Variants in SRP54 observed in about 807,000 individuals in gnomAD.
The protein encoded by SRP54 is signal recognition particle subunit SRP54.
SRP54 carries 10 observed loss-of-function variants against 64.8 expected under a neutral mutation model. That is an observed-to-expected ratio of 0.15 (90% CI 0.10 to 0.26). SRP54 has a LOEUF of 0.26. SRP54 is among the 10% of genes least tolerant of loss of function. The probability of loss-of-function intolerance (pLI) is 1.00; values close to 1 mark genes in which losing one functional copy is unlikely to be tolerated. For synonymous variants in SRP54, 193 were observed against 185.6 expected (o/e 1.04, Z -0.32); for missense variants, 325 against 613.7 (o/e 0.53, Z 4.97).
intron 1 of SRP54, among the ~76,000 whole-genome samples, chr14:34,985,848 A>G (rs1040957909): frequency 7.2e-5 from 11 of 152,222 alleles, no homozygotes; most frequent in African/African-American, 2.7e-4. Flanking sequence ...CTGATTGAGC[A>G]TTTAATTTTT....
At chr14:35,026,793 A>C (rs2044633712) in intron 14 of SRP54, among the ~76,000 whole-genome samples, 1 of 151,962 alleles carries the variant, frequency 6.6e-6, no homozygotes, top group Non-Finnish European at 1.5e-5. Flanking sequence ...AAATACAAAA[A>C]TTAGCTGGGT....
At chr14:34,992,129 C>T (rs2043989982) in intron 1 of SRP54, among the ~76,000 whole-genome samples, 1 of 152,116 alleles carries the variant, frequency 6.6e-6, no homozygotes, top group Non-Finnish European at 1.5e-5. Flanking sequence ...GATGGGGTTT[C>T]GCCATGTTGA....
chr14:34,990,028 T>G (rs2043957184), intron 1 of SRP54, among the ~76,000 whole-genome samples: 1 of 152,154 alleles, frequency 6.6e-6, no homozygotes, highest in Non-Finnish European at 1.5e-5. Flanking sequence ...TCTATGCTCT[T>G]TCCAGTACTT....
Position 34,999,569 on chromosome 14 carries a change from T to G in SRP54, c.90T>G (p.Ala30=), listed in dbSNP as rs1330504176. ...TTCTTTATTTTCAGGTATTGAATGC[T>G]ATGCTAAAAGAAGTCTGTACCGCTT... is the stretch of plus-strand genomic sequence containing the variant. ...ATIINEEVLN[A]MLKEVCTALL... Residue 30 remains alanine (A), a synonymous_variant, in exon 3 of 16, where the codon GCT becomes GCG. Transcript: ENST00000216774. 1.1e-5 allele frequency: 18 copies of G among 1,611,420 alleles called. No individual in the cohort carries two copies. Among genetic ancestry groups the G allele is most frequent in the Non-Finnish European group, 1.5e-5 (18 of 1,178,330 alleles).
chr14:34,995,621 G>A (rs2044060957), intron 1 of SRP54, among the ~76,000 whole-genome samples: 1 of 152,084 alleles, frequency 6.6e-6, no homozygotes, highest in Non-Finnish European at 1.5e-5. Flanking sequence ...CATCTAATAT[G>A]TAATACTTTT....
At chr14:35,008,292 C>T (rs943595741) in intron 5 of SRP54, among the ~76,000 whole-genome samples, 2 of 152,152 alleles carry the variant, frequency 1.3e-5, no homozygotes, top group African/African-American at 2.4e-5. Flanking sequence ...ACAAGCTTCA[C>T]GTATGTTACA....
rs544454198 is a variant in SRP54, at chr14:34,983,141, T to A, written c.-108T>A. 3.9e-5 allele frequency: 6 copies of A among 152,558 alleles called. 1 individual carries two copies. The East Asian group carries it at 1.2e-3, about 29-fold the overall frequency. 9.5% of individuals were successfully genotyped at this position (152,558 alleles called of 1,614,324 possible). On this transcript the variant is annotated 5_prime_UTR_variant, in exon 1 of 16. Coordinates refer to ENST00000216774, the MANE Select transcript of SRP54 (RefSeq NM_003136.4). ...CTGTCTGCTCCCAGCTTTCTTGGGT[T>A]TCTTCCGACGGCGTGGGGCCTCGCT...
intron 4 of SRP54, among the ~76,000 whole-genome samples, chr14:35,001,937 A>G (rs1486580880): frequency 6.6e-6 from 1 of 152,048 alleles, no homozygotes; most frequent in Admixed American, 6.6e-5. Context: ...ATGGTGGCTC[A>G]TGCCTGTAAT....
intron 1 of SRP54, among the ~76,000 whole-genome samples, chr14:34,993,696 A>T (rs112937159): frequency 0.035 from 4,402 of 126,488 alleles, 210 homozygotes; most frequent in African/African-American, 0.11. Flanking sequence ...TTAATTAATT[A>T]ATTTATTTAT....
At chr14:34,988,271 A>G (rs185155647) in intron 1 of SRP54, among the ~76,000 whole-genome samples, 1 of 152,030 alleles carries the variant, frequency 6.6e-6, no homozygotes, top group East Asian at 1.9e-4. Context: ...TCATTAAAAT[A>G]TATTTCACTA....
chr14:34,983,666 G>C (rs542239473), intron 1 of SRP54, among the ~76,000 whole-genome samples: 12 of 152,178 alleles, frequency 7.9e-5, no homozygotes, highest in Non-Finnish European at 1.3e-4. Flanking sequence ...AGCTCTCTCT[G>C]TACCATTTGA....
intron 4 of SRP54, among the ~76,000 whole-genome samples, chr14:35,002,247 C>T (rs1474728994): frequency 1.3e-5 from 2 of 151,320 alleles, no homozygotes; most frequent in African/African-American, 2.4e-5. Flanking sequence ...CCAGCTACTC[C>T]GGAGGGTGAG....
Position 35,028,085 on chromosome 14 carries a change from C to A in SRP54, c.1328-3C>A, listed in dbSNP as rs773853735. The A allele has an allele frequency of 6.3e-7, 1 of 1,595,592 alleles. No homozygotes were observed. Among genetic ancestry groups the A allele is most frequent in the East Asian group, 2.2e-5 (1 of 44,700 alleles). ...CTCAAAATCTTTTTTTTTTTCCCCT[C>A]AGGTGGCGACATGTCTAAGAATGTG... On this transcript the variant is annotated splice_polypyrimidine_tract_variant and splice_region_variant and intron_variant, in intron 14 of 15. Coordinates refer to ENST00000216774, the MANE Select transcript of SRP54 (RefSeq NM_003136.4).
intron 2 of SRP54, among the ~76,000 whole-genome samples, chr14:34,998,626 A>G (rs1042660549): frequency 6.6e-6 from 1 of 152,026 alleles, no homozygotes; most frequent in African/African-American, 2.4e-5. Context: ...AGCCTGGCCA[A>G]CATAGTGAAA....
At chr14:35,020,125 C>T (rs10142861) in intron 13 of SRP54, among the ~76,000 whole-genome samples, 25,950 of 152,078 alleles carry the variant, frequency 0.17, 2,382 homozygotes, top group East Asian at 0.31. Flanking sequence ...GCGGAGGTTG[C>T]AGTGAGCCGA....
At chr14:35,017,045 G>A (rs1488135611) in intron 11 of SRP54, among the ~76,000 whole-genome samples, 1 of 151,856 alleles carries the variant, frequency 6.6e-6, no homozygotes, top group East Asian at 1.9e-4. Flanking sequence ...AGTAGAAATG[G>A]GGTTTCACCA....
At chr14:35,010,407 T>G (rs758059555) in intron 7 of SRP54, among the ~76,000 whole-genome samples, 2 of 151,424 alleles carry the variant, frequency 1.3e-5, no homozygotes, top group African/African-American at 2.4e-5. Context: ...GATGGCATCA[T>G]TGCACTCCAC....
At chr14:35,024,562 A>T (rs2044589821) in intron 14 of SRP54, among the ~76,000 whole-genome samples, 1 of 151,258 alleles carries the variant, frequency 6.6e-6, no homozygotes, top group East Asian at 1.9e-4. Context: ...ATTTTTATTT[A>T]TATTTTATAA....
chr14:35,010,826 ATAG>A (rs999299601), intron 7 of SRP54, among the ~76,000 whole-genome samples: 2 of 152,290 alleles, frequency 1.3e-5, no homozygotes, highest in South Asian at 2.1e-4. Flanking sequence ...CAAATGTCTA[ATAG>A]TAGGGCGTTA....
Sources: allele counts gnomAD v4.1 joint callset (sites outside exome capture counted in the v4.1 genomes callset), GRCh38; gene constraint gnomAD v4.1.1; transcripts MANE v1.5; gene names NCBI Gene and HGNC (gene_info 2026-07-23, HGNC 2026-07-21).